The following KLF12 variants were observed in gnomAD, a reference collection of about 807,000 sequenced individuals.
KLF12 encodes Krueppel-like factor 12.
A neutral mutation model predicts 37.8 loss-of-function variants in KLF12; 9 were observed. The observed-to-expected ratio is 0.24, with a 90% confidence interval of 0.14 to 0.42. The LOEUF (loss-of-function observed/expected upper bound fraction) is 0.42, where lower values mean the gene tolerates loss of function less well. Among genes scored for constraint, KLF12 ranks in the 10% least tolerant of loss-of-function variants. KLF12 has a pLI of 1.00. For missense variants in KLF12, 411 were observed against 516.0 expected (o/e 0.80, Z 1.97); for synonymous variants, 208 against 202.1 (o/e 1.03, Z -0.25).
At chr13:74,005,830 T>C (rs1330714777) in intron 1 of KLF12, among the ~76,000 whole-genome samples, 1 of 152,208 alleles carries the variant, frequency 6.6e-6, no homozygotes, top group Non-Finnish European at 1.5e-5. Context: ...ACCTCTATAA[T>C]GGTGTTATTG....
At chr13:73,888,721 C>T (rs1887354276) in intron 3 of KLF12, among the ~76,000 whole-genome samples, 1 of 152,104 alleles carries the variant, frequency 6.6e-6, no homozygotes, top group African/African-American at 2.4e-5. Flanking sequence ...GCTTTATAAA[C>T]CTTTCTTACA....
chr13:73,999,732 T>C (rs1892222592), intron 1 of KLF12, among the ~76,000 whole-genome samples: 1 of 151,730 alleles, frequency 6.6e-6, no homozygotes, highest in Non-Finnish European at 1.5e-5. Flanking sequence ...AGAGGGAGAC[T>C]CCATCTCAAA....
the KLF12 span, among the ~76,000 whole-genome samples, chr13:74,202,298 A>G: frequency 1.3e-5 from 2 of 152,078 alleles, no homozygotes; most frequent in Admixed American, 1.3e-4. Flanking sequence ...AAAAGCACCA[A>G]AGCCCTGTTT....
In KLF12 at chr13:73,813,134, T is replaced by A; in HGVS notation, c.806+18A>T. On this transcript the variant is annotated intron_variant, in intron 5 of 7. Transcript: ENST00000377669. The stretch of plus-strand genomic sequence containing the variant: ...CACCTTGGCAATTCTTAATTCATCC[T>A]GTGAATGTGATACTTACTCTTGTAC... The A allele has an allele frequency of 6.2e-7, 1 of 1,612,018 alleles. No individual in the cohort carries two copies. Among genetic ancestry groups the A allele is most frequent in the Non-Finnish European group, 8.5e-7 (1 of 1,178,426 alleles).
In KLF12 at chr13:74,101,994, C is replaced by T. The variant is rs142418112; in HGVS notation, c.-32+31745G>A. On this transcript the variant is annotated intron_variant, in intron 1 of 7. Coordinates refer to ENST00000377669, the MANE Select transcript of KLF12 (RefSeq NM_007249.5). ...CAGCACTTTGGGAGGCCGAGACGGG[C>T]GGATCACAAGGTCAGGAGTTCGGGA... is the stretch of plus-strand genomic sequence containing the variant. Among the ~76,000 whole-genome samples, 460 of 151,570 alleles carry T rather than the reference C, an allele frequency of 3.0e-3. 1 individual carries two copies. Among genetic ancestry groups the T allele is most frequent in the African/African-American group, 0.01 (434 of 41,338 alleles).
the KLF12 span, among the ~76,000 whole-genome samples, chr13:74,172,780 A>G: frequency 8.5e-5 from 13 of 152,232 alleles, no homozygotes; most frequent in Non-Finnish European, 1.9e-4. Flanking sequence ...CAAGAAGAGC[A>G]TGGGCGACCT....
At chr13:73,700,534 C>T (rs764439332) in intron 7 of KLF12, among the ~76,000 whole-genome samples, 2 of 151,734 alleles carry the variant, frequency 1.3e-5, no homozygotes, top group East Asian at 1.9e-4. Flanking sequence ...TCTTCGCTCC[C>T]ATTGCCCCAT....
chr13:73,890,710 T>C (rs1312539716), intron 3 of KLF12, among the ~76,000 whole-genome samples: 1 of 151,598 alleles, frequency 6.6e-6, no homozygotes, highest in East Asian at 1.9e-4. Context: ...TTGAAAGAGA[T>C]AAGTTTAAAA....
chr13:74,122,817 C>G lies in KLF12; in HGVS notation c.-32+10922G>C, dbSNP rs1238638643. ...CATTTTTGTAAGCAGTGACTAAAAACTGTGTATGTGTTCCTAACGCTTAAG... is the reference window on the plus strand; with the variant it reads ...CATTTTTGTAAGCAGTGACTAAAAAGTGTGTATGTGTTCCTAACGCTTAAG... On this transcript the variant is annotated intron_variant, in intron 1 of 7. Transcript: ENST00000377669. Among the ~76,000 whole-genome samples the G allele has an allele frequency of 3.3e-5, 5 of 151,896 alleles. No individual in the cohort carries two copies. In the East Asian group the frequency reaches 9.6e-4, roughly 29 times the overall value.
chr13:73,886,575 C>T (rs9919878), intron 3 of KLF12, among the ~76,000 whole-genome samples: 10,654 of 152,140 alleles, frequency 0.07, 565 homozygotes, highest in African/African-American at 0.15. Context: ...CCATGGTACA[C>T]GTTAACCTAT....
the KLF12 span, among the ~76,000 whole-genome samples, chr13:74,260,214 A>G: frequency 2.3e-4 from 35 of 152,156 alleles, no homozygotes; most frequent in Non-Finnish European, 2.5e-4. Context: ...TACTTGGACC[A>G]TTGGAGCATG....
chr13:73,749,904 C>T (rs1878628325), intron 6 of KLF12, among the ~76,000 whole-genome samples: 1 of 152,170 alleles, frequency 6.6e-6, no homozygotes, highest in Non-Finnish European at 1.5e-5. Flanking sequence ...TGACATAAAG[C>T]TCTTTCCTAC....
At position 73,999,688 on chromosome 13, in the gene KLF12, C is replaced by T. The variant is rs1360558291; in HGVS notation, c.-31-4635G>A. On this transcript the variant is annotated intron_variant, in intron 1 of 7. Transcript: ENST00000377669. ...CCGTGAGGCACAGCTTGCAGTGAGC[C>T]GAGATCGCTCCGCTACACTCCAGCC... Among the ~76,000 whole-genome samples the T allele has an allele frequency of 4.6e-5, 7 of 152,234 alleles. No individual in the cohort carries two copies. The East Asian group carries it at 5.8e-4, about 13-fold the overall frequency.
At chr13:74,239,825 G>A in the KLF12 span, among the ~76,000 whole-genome samples, 8 of 151,430 alleles carry the variant, frequency 5.3e-5, no homozygotes, top group Non-Finnish European at 2.9e-5. Context: ...TTTATTTTGA[G>A]CCTATGTGTG....
chr13:73,738,443 T>G (rs1034985397), intron 6 of KLF12, among the ~76,000 whole-genome samples: 12 of 151,906 alleles, frequency 7.9e-5, no homozygotes, highest in Non-Finnish European at 1.6e-4. Context: ...TAAGCCACCA[T>G]ACCCGGCCCA....
chr13:74,106,023 A>C (rs1422577693), intron 1 of KLF12, among the ~76,000 whole-genome samples: 1 of 152,192 alleles, frequency 6.6e-6, no homozygotes, highest in Non-Finnish European at 1.5e-5. Flanking sequence ...AACTTAATTG[A>C]GCCCTTCCCC....
At chr13:74,166,481 A>G in the KLF12 span, among the ~76,000 whole-genome samples, 1 of 152,296 alleles carries the variant, frequency 6.6e-6, no homozygotes, top group African/African-American at 2.4e-5. Context: ...GAAAGCTTCC[A>G]GTAAAATCAT....
intron 1 of KLF12, among the ~76,000 whole-genome samples, chr13:74,091,248 C>T (rs540369863): frequency 1.4e-4 from 22 of 152,186 alleles, no homozygotes; most frequent in Non-Finnish European, 2.6e-4. Context: ...AACAAACATT[C>T]GAACTAAAAC....
At chr13:74,237,261 G>A in the KLF12 span, among the ~76,000 whole-genome samples, 1 of 133,312 alleles carries the variant, frequency 7.5e-6, no homozygotes, top group Non-Finnish European at 1.5e-5. Context: ...TAGATATGCG[G>A]CGTTATTTCT....
Sources: allele counts gnomAD v4.1 joint callset (sites outside exome capture counted in the v4.1 genomes callset), GRCh38; gene constraint gnomAD v4.1.1; transcripts MANE v1.5; gene names NCBI Gene and HGNC (gene_info 2026-07-23, HGNC 2026-07-21).